CADM2: variants seen among roughly 807,000 people sequenced by gnomAD.
CADM2 encodes the protein cell adhesion molecule 2, also known as immunoglobulin superfamily member 4D.
A neutral mutation model predicts 49.8 loss-of-function variants in CADM2; 12 were observed. The observed-to-expected ratio is 0.24, with a 90% CI of 0.15 to 0.39. CADM2 has a LOEUF of 0.39. Among genes scored for constraint, CADM2 ranks in the 10% least tolerant of loss-of-function variants. CADM2 has a pLI of 1.00. For synonymous variants in CADM2, 214 were observed against 175.4 expected (o/e 1.22, Z -1.74); for missense variants, 378 against 492.3 (o/e 0.77, Z 2.20).
intron 2 of CADM2, among the ~76,000 whole-genome samples, chr3:85,790,582 C>G (rs2071263996): frequency 6.6e-6 from 1 of 152,148 alleles, no homozygotes; most frequent in African/African-American, 2.4e-5. Flanking sequence ...CAACAAAGAA[C>G]TAGGGCCAAG....
At chr3:85,435,677 T>G (rs1445403254) in intron 1 of CADM2, among the ~76,000 whole-genome samples, 1 of 152,106 alleles carries the variant, frequency 6.6e-6, no homozygotes, top group Non-Finnish European at 1.5e-5. Context: ...CCCCAGCATC[T>G]GTTGTTTCCT....
At chr3:85,918,196 TA>T (rs2108496732) in intron 6 of CADM2, among the ~76,000 whole-genome samples, 1 of 152,248 alleles carries the variant, frequency 6.6e-6, no homozygotes, top group East Asian at 1.9e-4. Context: ...CTATGTTGAA[TA>T]GGGGTGGTGA....
chr3:85,008,908 T>C (rs2033863286), intron 1 of CADM2, among the ~76,000 whole-genome samples: 1 of 152,196 alleles, frequency 6.6e-6, no homozygotes, highest in African/African-American at 2.4e-5. Context: ...AAATCTTTAG[T>C]TTGCATTTTA....
At chr3:85,730,826 C>G (rs957930505) in intron 2 of CADM2, among the ~76,000 whole-genome samples, 16 of 151,986 alleles carry the variant, frequency 1.1e-4, no homozygotes, top group African/African-American at 3.9e-4. Flanking sequence ...TATTTTTAAG[C>G]AAAATTTGGC....
At chr3:85,838,486 A>G (rs2074499223) in intron 3 of CADM2, among the ~76,000 whole-genome samples, 1 of 151,846 alleles carries the variant, frequency 6.6e-6, no homozygotes, top group South Asian at 2.1e-4. Flanking sequence ...TTATTAGCAC[A>G]TATTATGCAC....
At chr3:85,873,414 C>T (rs1410998532) in intron 3 of CADM2, among the ~76,000 whole-genome samples, 1 of 151,898 alleles carries the variant, frequency 6.6e-6, no homozygotes, top group African/African-American at 2.4e-5. Flanking sequence ...GCTGGTGGTC[C>T]CAGCACTTTG....
chr3:85,220,129 A>C (rs900079056), intron 1 of CADM2, among the ~76,000 whole-genome samples: 2 of 151,928 alleles, frequency 1.3e-5, no homozygotes, highest in Non-Finnish European at 2.9e-5. Flanking sequence ...ATACACTAAA[A>C]TTTTTTTGGC....
At chr3:85,171,728 T>G (rs1042082944) in intron 1 of CADM2, among the ~76,000 whole-genome samples, 8 of 152,230 alleles carry the variant, frequency 5.3e-5, no homozygotes, top group African/African-American at 1.9e-4. Flanking sequence ...TACAGTTGCA[T>G]GTTTTTCTCA....
intron 1 of CADM2, among the ~76,000 whole-genome samples, chr3:85,214,562 G>A (rs933777558): frequency 2.0e-5 from 3 of 151,950 alleles, no homozygotes; most frequent in Admixed American, 2.0e-4. Context: ...TCCTGGCCAG[G>A]TTCAGAGATG....
At chr3:85,891,138 C>T (rs1714376884) in intron 5 of CADM2, among the ~76,000 whole-genome samples, 1 of 152,114 alleles carries the variant, frequency 6.6e-6, no homozygotes, top group African/African-American at 2.4e-5. Context: ...CTGGGCAGAG[C>T]TGCATCCAAA....
intron 1 of CADM2, among the ~76,000 whole-genome samples, chr3:85,106,566 A>G (rs1286292860): frequency 1.3e-5 from 2 of 152,192 alleles, no homozygotes; most frequent in African/African-American, 4.8e-5. Context: ...ATGCTCTGGG[A>G]AAATAAAGAT....
chr3:85,988,723 G>T (rs151058187), intron 8 of CADM2, among the ~76,000 whole-genome samples: 2 of 152,262 alleles, frequency 1.3e-5, no homozygotes, highest in East Asian at 1.9e-4. Flanking sequence ...TGTGTCCAGA[G>T]AATTCTGTTC....
intron 2 of CADM2, among the ~76,000 whole-genome samples, chr3:85,792,236 C>T (rs1185476010): frequency 6.6e-6 from 1 of 152,154 alleles, no homozygotes; most frequent in African/African-American, 2.4e-5. Flanking sequence ...GTTGAATTAA[C>T]TAATTTTGTA....
chr3:86,014,713 A>C (rs530761811), intron 8 of CADM2: 1 of 1,520,510 alleles, frequency 6.6e-7, no homozygotes, highest in Non-Finnish European at 8.8e-7. Context: ...CACCATGCTG[A>C]CATGTGTAGA....
chr3:85,987,947 G>T (rs1728322003), intron 8 of CADM2, among the ~76,000 whole-genome samples: 1 of 151,966 alleles, frequency 6.6e-6, no homozygotes. Context: ...TGAAAAGATT[G>T]CAGGCACTGC....
At chr3:85,320,619 C>A (rs1163875427) in intron 1 of CADM2, among the ~76,000 whole-genome samples, 1 of 152,112 alleles carries the variant, frequency 6.6e-6, no homozygotes, top group African/African-American at 2.4e-5. Context: ...GAATTCTATA[C>A]GCATTTATAT....
intron 1 of CADM2, among the ~76,000 whole-genome samples, chr3:85,500,983 T>A (rs2040092761): frequency 1.3e-5 from 2 of 152,176 alleles, no homozygotes; most frequent in African/African-American, 4.8e-5. Flanking sequence ...TGTGGATATA[T>A]GTGAAAACAT....
chr3:85,639,160 A>T (rs1213745350), intron 1 of CADM2, among the ~76,000 whole-genome samples: 1 of 152,210 alleles, frequency 6.6e-6, no homozygotes, highest in East Asian at 1.9e-4. Flanking sequence ...AATAATTTCA[A>T]ATTTGCTTTA....
intron 6 of CADM2, among the ~76,000 whole-genome samples, chr3:85,923,533 A>G (rs1283895199): frequency 8.7e-6 from 1 of 115,466 alleles, no homozygotes; most frequent in Non-Finnish European, 1.7e-5. Flanking sequence ...TGATATCATG[A>G]AAGCAAAAAA....
Sources: allele counts gnomAD v4.1 joint callset (sites outside exome capture counted in the v4.1 genomes callset), GRCh38; gene constraint gnomAD v4.1.1; transcripts MANE v1.5; gene names NCBI Gene and HGNC (gene_info 2026-07-23, HGNC 2026-07-21).